ANKMY2: variants seen among roughly 807,000 people sequenced by gnomAD.
ANKMY2 encodes ankyrin repeat and MYND domain containing 2, also known as ankyrin repeat and MYND domain-containing protein 2.
A neutral mutation model predicts 50.4 loss-of-function variants in ANKMY2; 36 were observed. That is an observed-to-expected ratio of 0.71 (90% CI 0.55 to 0.94). ANKMY2 has a LOEUF of 0.94. Ranked by LOEUF, ANKMY2 falls within the 40% of genes least tolerant of loss-of-function variation. The pLI, the probability that ANKMY2 is intolerant of heterozygous loss-of-function variation, is 0.00. For synonymous variants in ANKMY2, 187 were observed against 178.8 expected (o/e 1.05, Z -0.36); for missense variants, 565 against 524.0 (o/e 1.08, Z -0.76).
chr7:16,642,953 G>C (rs1781764857), intron 1 of ANKMY2, among the ~76,000 whole-genome samples: 1 of 152,106 alleles, frequency 6.6e-6, no homozygotes, highest in African/African-American at 2.4e-5. Context: ...TGATACCTCT[G>C]CTCTGCCACT....
At chr7:16,644,701 C>T (rs1781799634) in intron 1 of ANKMY2, 2 of 471,054 alleles carry the variant, frequency 4.2e-6, no homozygotes, top group Admixed American at 2.3e-5. Context: ...GGTAACGGGA[C>T]TCGGCAGGGA....
At chr7:16,615,310 A>G (rs987223487) in intron 5 of ANKMY2, among the ~76,000 whole-genome samples, 13 of 152,168 alleles carry the variant, frequency 8.5e-5, no homozygotes, top group Non-Finnish European at 1.9e-4. Flanking sequence ...GTCAGCTACT[A>G]TGGTCTTTTC....
Position 16,602,387 on chromosome 7 carries a change from C to T in ANKMY2, c.1134G>A (p.Glu378=). The T allele has an allele frequency of 1.2e-6, 2 of 1,612,476 alleles. No individual in the cohort carries two copies. Among genetic ancestry groups the T allele is most frequent in the Non-Finnish European group, 1.7e-6 (2 of 1,179,674 alleles). The part of the protein sequence containing the change: ...QLEAAKEKRQ[E]ENHGKLDVNS... ...CGGTTTTTATATACATACGGTTTTCCTCTTGTCTCTTTTCTTTGGCAGCCT... is the reference window on the plus strand; with the variant it reads ...CGGTTTTTATATACATACGGTTTTCTTCTTGTCTCTTTTCTTTGGCAGCCT... Residue 378 remains glutamate (E), a synonymous_variant, in exon 9 of 10, where the codon GAG becomes GAA. Transcript: ENST00000306999.
chr7:16,618,728 G>C (rs765920308), intron 4 of ANKMY2, among the ~76,000 whole-genome samples: 2 of 152,150 alleles, frequency 1.3e-5, no homozygotes, highest in Non-Finnish European at 2.9e-5. Context: ...ATCTTCAAGA[G>C]AGAAAAATGA....
In ANKMY2 at chr7:16,602,986, C is replaced by A. The variant is rs1207711213; in HGVS notation, c.1012-477G>T. On this transcript the variant is annotated intron_variant, in intron 8 of 9. Coordinates refer to ENST00000306999, the MANE Select transcript of ANKMY2 (RefSeq NM_020319.3). ...TCCTGTATACCTTCAGAACCGTGAG[C>A]CCATTAAACCTCTTTTCTTTATAAA... Among the ~76,000 whole-genome samples the A allele has an allele frequency of 3.3e-5, 5 of 152,290 alleles. No individual in the cohort carries two copies. In the East Asian group the frequency reaches 9.6e-4, roughly 29 times the overall value.
chr7:16,606,751 A>C (rs985221997), intron 7 of ANKMY2, among the ~76,000 whole-genome samples: 3 of 152,240 alleles, frequency 2.0e-5, no homozygotes, highest in Non-Finnish European at 4.4e-5. Flanking sequence ...AGATAGTCAA[A>C]GAAAATATTC....
chr7:16,629,261 C>A (rs570479860), intron 2 of ANKMY2, among the ~76,000 whole-genome samples: 1 of 152,308 alleles, frequency 6.6e-6, no homozygotes, highest in East Asian at 1.9e-4. Context: ...ATCGGCCAGG[C>A]ACAGTGGCTC....
At chr7:16,630,457 T>A (rs1781567075) in intron 2 of ANKMY2, among the ~76,000 whole-genome samples, 1 of 152,216 alleles carries the variant, frequency 6.6e-6, no homozygotes, top group Admixed American at 6.5e-5. Flanking sequence ...GCTTCTACAA[T>A]TCTTTAGATA....
intron 1 of ANKMY2, chr7:16,644,684 C>A (rs1371483570): frequency 2.1e-6 from 1 of 471,050 alleles, no homozygotes. Context: ...GCTGATGTCA[C>A]CTGCCAGGTA....
chr7:16,641,026 A>G (rs1328081050), intron 1 of ANKMY2, among the ~76,000 whole-genome samples: 2 of 152,212 alleles, frequency 1.3e-5, no homozygotes, highest in African/African-American at 4.8e-5. Context: ...ATAATCATAG[A>G]TATAAAGCTA....
rs192722968 is a variant in ANKMY2 at position 16,627,390 on chromosome 7, C to G, written c.133-212G>C. On this transcript the variant is annotated intron_variant, in intron 2 of 9. Coordinates refer to ENST00000306999, the MANE Select transcript of ANKMY2 (RefSeq NM_020319.3). Reference sequence around the variant, plus strand: ...TACTGGAGATTTTTTTACGGATTAGCAAACAGATTCAGAGAGGACTTGCTC... The same window carrying G: ...TACTGGAGATTTTTTTACGGATTAGGAAACAGATTCAGAGAGGACTTGCTC... Among the ~76,000 whole-genome samples, 361 of 152,186 alleles carry G rather than the reference C, an allele frequency of 2.4e-3. 1 individual carries two copies. The highest frequency in any genetic ancestry group is 8.3e-3 in the African/African-American group (343 of 41,528).
intron 6 of ANKMY2, among the ~76,000 whole-genome samples, chr7:16,610,255 T>A (rs1781225285): frequency 6.6e-6 from 1 of 152,174 alleles, no homozygotes; most frequent in Admixed American, 6.5e-5. Flanking sequence ...AATTTGGACT[T>A]GGGCCACTTT....
rs561486833 is a variant in ANKMY2, at chr7:16,644,239, C to T, written c.67+1268G>A. Reference sequence around the variant, plus strand: ...CAGGAAGAACTGAAAGACTGAAATGCCAAATAGGTCAGCAAGAACCATGCA... The same window carrying T: ...CAGGAAGAACTGAAAGACTGAAATGTCAAATAGGTCAGCAAGAACCATGCA... On this transcript the variant is annotated intron_variant, in intron 1 of 9. Transcript: ENST00000306999. Among the ~76,000 whole-genome samples, 3 of 152,282 alleles carry T rather than the reference C, an allele frequency of 2.0e-5. No homozygotes were observed. The South Asian group carries it at 6.2e-4, about 32-fold the overall frequency.
At chr7:16,616,836 TGCTTGGTCCTGGGAGC>T (rs1781361265) in intron 4 of ANKMY2, among the ~76,000 whole-genome samples, 1 of 152,210 alleles carries the variant, frequency 6.6e-6, no homozygotes, top group East Asian at 1.9e-4. Context: ...TGCCTGCTTG[TGCTTGGTCCTGGGAGC>T]GCCTGCTTGA....
chr7:16,603,386 T>A (rs1033753388), intron 8 of ANKMY2, among the ~76,000 whole-genome samples: 1 of 151,776 alleles, frequency 6.6e-6, no homozygotes, highest in Non-Finnish European at 1.5e-5. Flanking sequence ...GACAGAAAAA[T>A]GGGAAAGAAG....
intron 5 of ANKMY2, among the ~76,000 whole-genome samples, chr7:16,615,285 C>G (rs919378224): frequency 6.6e-6 from 1 of 152,152 alleles, no homozygotes; most frequent in African/African-American, 2.4e-5. Context: ...ATACCAGGCC[C>G]CCGGGGCTCT....
chr7:16,608,235 T>A (rs953385480), intron 7 of ANKMY2, among the ~76,000 whole-genome samples: 1 of 152,206 alleles, frequency 6.6e-6, no homozygotes, highest in Non-Finnish European at 1.5e-5. Context: ...TGGTTGGGCT[T>A]TGATATGTGC....
At chr7:16,644,001 C>G (rs1051964021) in intron 1 of ANKMY2, among the ~76,000 whole-genome samples, 2 of 151,526 alleles carry the variant, frequency 1.3e-5, no homozygotes, top group African/African-American at 4.9e-5. Flanking sequence ...CTCAAACAAA[C>G]GAGAGAGAGA....
At chr7:16,630,823 C>G (rs1239119557) in intron 2 of ANKMY2, among the ~76,000 whole-genome samples, 1 of 152,114 alleles carries the variant, frequency 6.6e-6, no homozygotes, top group Non-Finnish European at 1.5e-5. Flanking sequence ...GAAAAGGTGG[C>G]ACTTGAACAA....
Sources: gnomAD v4.1 joint callset for allele counts (sites outside exome capture counted in the v4.1 genomes callset) on GRCh38, gnomAD v4.1.1 for gene constraint, MANE v1.5 for transcripts, NCBI Gene and HGNC (gene_info 2026-07-23, HGNC 2026-07-21) for gene names.